The following CCL25 variants were observed in gnomAD, a reference collection of about 807,000 sequenced individuals.
CCL25 encodes C-C motif chemokine ligand 25, also known as C-C motif chemokine 25.
Under a neutral mutation model 19.9 loss-of-function variants are expected in CCL25, and 14 were observed. That is an observed-to-expected ratio of 0.70 (90% CI 0.47 to 1.10). The LOEUF is 1.10. Ranked by LOEUF, CCL25 falls within the 50% of genes least tolerant of loss-of-function variation. The pLI, the probability that CCL25 is intolerant of heterozygous loss-of-function variation, is 0.00. For missense variants in CCL25, 151 were observed against 181.2 expected, an observed-to-expected ratio of 0.83 and a Z score of 0.96; for synonymous variants, 68 against 73.2, an observed-to-expected ratio of 0.93 and a Z score of 0.36.
At chr19:8,059,862 G>A (rs2081305883) in intron 5 of CCL25, among the ~76,000 whole-genome samples, 1 of 151,914 alleles carries the variant, frequency 6.6e-6, no homozygotes, top group Admixed American at 6.6e-5. Flanking sequence ...GGCGGAGGTG[G>A]GTGGATCACG....
intron 5 of CCL25, among the ~76,000 whole-genome samples, chr19:8,059,074 TA>T (rs1473047140): frequency 1.5e-4 from 5 of 34,346 alleles, no homozygotes; most frequent in South Asian, 2.0e-3. Context: ...ATATAATATA[TA>T]ATATATATAA....
At chr19:8,060,312 A>C (rs942646771) in intron 5 of CCL25, among the ~76,000 whole-genome samples, 1 of 152,090 alleles carries the variant, frequency 6.6e-6, no homozygotes, top group Non-Finnish European at 1.5e-5. Context: ...TTGGAACTTC[A>C]GCCTGGGGGA....
chr19:8,058,199 G>A (rs1412887443), intron 5 of CCL25, among the ~76,000 whole-genome samples: 11 of 150,662 alleles, frequency 7.3e-5, no homozygotes, highest in African/African-American at 2.0e-4. Flanking sequence ...AGCAGGGACC[G>A]GGTGGTTGTC....
rs2081273291 is a variant in CCL25, at chr19:8,056,445, G to A, written c.271G>A (p.Asp91Asn). The change falls in exon 4 of 6, where the codon GAT (aspartate) becomes AAT (asparagine). Residue 91 changes from aspartate (D) to asparagine (N), a missense_variant. Physicochemically the swap from Asp to Asn is conservative, Grantham distance 23 (BLOSUM62 1). Coordinates refer to ENST00000315626, the MANE Select transcript of CCL25 (RefSeq NM_005624.4). Reference protein sequence around the residue: ...REVQRAMKLLDARNKVFAKLH... With the variant: ...REVQRAMKLLNARNKVFAKLH... ...GGTGCAGAGAGCCATGAAGCTCCTG[G>A]ATGCTCGAAATAAGGTTTTTGCAAA... The A allele has an allele frequency of 3.7e-6, 6 of 1,614,146 alleles. No homozygotes were observed. The highest frequency in any genetic ancestry group is 5.1e-6 in the Non-Finnish European group (6 of 1,180,028).
chr19:8,054,869 T>C (rs2081258016), intron 2 of CCL25, among the ~76,000 whole-genome samples: 1 of 151,874 alleles, frequency 6.6e-6, no homozygotes, highest in Non-Finnish European at 1.5e-5. Context: ...TTTTGTTTCA[T>C]TGAGACAGAG....
At position 8,057,789 on chromosome 19, in the gene CCL25, C is replaced by A; in HGVS notation, c.326-12C>A. On this transcript the variant is annotated splice_polypyrimidine_tract_variant and intron_variant, in intron 4 of 5. Transcript: ENST00000315626. ...GCAGAGCTCTTGCTTATTTCTCTCT[C>A]CATTTCTCCAGCAGGCCCTCATGCT... 6.2e-7 allele frequency: 1 copy of A among 1,609,566 alleles called. No homozygotes were observed. The highest frequency in any genetic ancestry group is 1.1e-5 in the South Asian group (1 of 90,584).
intron 5 of CCL25, among the ~76,000 whole-genome samples, chr19:8,060,841 T>G (rs986510024): frequency 2.6e-5 from 4 of 151,474 alleles, no homozygotes; most frequent in African/African-American, 9.7e-5. Flanking sequence ...CCACCACGCC[T>G]GGCTAATTTT....
chr19:8,053,409 G>A (rs1359352648), intron 2 of CCL25, among the ~76,000 whole-genome samples: 1 of 152,108 alleles, frequency 6.6e-6, no homozygotes, highest in Non-Finnish European at 1.5e-5. Context: ...GCCAGTTACT[G>A]CCAGGGATGT....
chr19:8,061,262 T>C (rs2081316184), intron 5 of CCL25, among the ~76,000 whole-genome samples: 1 of 152,024 alleles, frequency 6.6e-6, no homozygotes, highest in Non-Finnish European at 1.5e-5. Context: ...GTGCTGGGAT[T>C]ACAGGCGTGA....
intron 4 of CCL25, among the ~76,000 whole-genome samples, chr19:8,057,320 C>G (rs896435091): frequency 2.0e-5 from 3 of 148,132 alleles, no homozygotes; most frequent in Non-Finnish European, 4.5e-5. Flanking sequence ...ATGCCTGGCT[C>G]CAGCTCATTA....
In CCL25 at chr19:8,054,659, C is replaced by A. The variant is rs150611206; in HGVS notation, c.74-1493C>A. Reference sequence around the variant, plus strand: ...ATCCCCCCAGAACTTTCTGGCATCACCTCCTCCTCCTCTGGGCACCCCCCA... The same window carrying A: ...ATCCCCCCAGAACTTTCTGGCATCAACTCCTCCTCCTCTGGGCACCCCCCA... On this transcript the variant is annotated intron_variant, in intron 2 of 5. Transcript: ENST00000315626. Among the ~76,000 whole-genome samples the A allele has an allele frequency of 7.5e-3, 1,136 of 151,988 alleles. 10 individuals are homozygous for A. The highest frequency in any genetic ancestry group is 0.014 in the Middle Eastern group (4 of 294).
rs776069708 is a variant in CCL25, at chr19:8,056,188, C to T, written c.110C>T (p.Pro37Leu). The T allele has an allele frequency of 6.4e-7, 1 of 1,560,974 alleles. No homozygotes were observed. The highest frequency in any genetic ancestry group is 8.7e-7 in the Non-Finnish European group (1 of 1,154,506). Residue 37 changes from proline (P) to leucine (L), a missense_variant, in exon 3 of 6, where the codon CCC (proline) becomes CTC (leucine). Coordinates refer to ENST00000315626, the MANE Select transcript of CCL25 (RefSeq NM_005624.4). Reference sequence around the variant, plus strand: ...GACTGCTGCCTGGCCTACCACTACCCCATTGGGTGGGCTGTGCTCCGGCGC... The same window carrying T: ...GACTGCTGCCTGGCCTACCACTACCTCATTGGGTGGGCTGTGCTCCGGCGC... ...FEDCCLAYHY[P>L]IGWAVLRRAW...
intron 5 of CCL25, among the ~76,000 whole-genome samples, chr19:8,061,909 G>C (rs1418735133): frequency 4.6e-5 from 7 of 151,900 alleles, no homozygotes; most frequent in Non-Finnish European, 1.0e-4. Context: ...AATTAGCCGG[G>C]CATGGTGGTA....
At position 8,056,541 on chromosome 19, in the gene CCL25, C is replaced by A. The variant is rs113146040; in HGVS notation, c.325+42C>A. On this transcript the variant is annotated intron_variant, in intron 4 of 5. Transcript: ENST00000315626. The stretch of plus-strand genomic sequence containing the variant: ...CTGGGCATCTAGGGGGCCTGCCCTC[C>A]CTGCCTGCAAGCCCATGTGTGGTTC... 6,785 of 1,610,394 alleles carry A rather than the reference C, an allele frequency of 4.2e-3. 73 individuals carry two copies. Among genetic ancestry groups the A allele is most frequent in the Middle Eastern group, 0.027 (159 of 5,818 alleles).
intron 2 of CCL25, among the ~76,000 whole-genome samples, chr19:8,053,457 T>C (rs906102423): frequency 6.6e-6 from 1 of 151,716 alleles, no homozygotes; most frequent in Non-Finnish European, 1.5e-5. Flanking sequence ...AGGGGTGGGG[T>C]TGGAGATCAG....
chr19:8,055,071 A>T (rs1018240460), intron 2 of CCL25, among the ~76,000 whole-genome samples: 1 of 151,252 alleles, frequency 6.6e-6, no homozygotes, highest in African/African-American at 2.4e-5. Flanking sequence ...CGGGTGGATC[A>T]CAAGGTCAAG....
intron 5 of CCL25, among the ~76,000 whole-genome samples, 157 bp downstream of exon 5, chr19:8,058,077 G>A (rs2303167): frequency 5.3e-5 from 8 of 151,766 alleles, no homozygotes; most frequent in African/African-American, 1.5e-4. Context: ...GAGGGTCCTC[G>A]GTGGCTGTCC....
chr19:8,057,494 T>C (rs2145289357), intron 4 of CCL25, among the ~76,000 whole-genome samples: 1 of 152,040 alleles, frequency 6.6e-6, no homozygotes, highest in Admixed American at 6.6e-5. Flanking sequence ...CATGCCTGGG[T>C]AATTTTTTAT....
chr19:8,056,305 C>CCCCCCCAGT, intron 3 of CCL25, 36 bp downstream of exon 3: 1 of 1,599,860 alleles, frequency 6.3e-7, no homozygotes, highest in Non-Finnish European at 8.5e-7. Context: ...GGGTGGGGTG[C>CCCCCCCAGT]ACACACAGCC....
Sources: gnomAD v4.1 joint callset for allele counts (sites outside exome capture counted in the v4.1 genomes callset) on GRCh38, gnomAD v4.1.1 for gene constraint, MANE v1.5 for transcripts, NCBI Gene and HGNC (gene_info 2026-07-23, HGNC 2026-07-21) for gene names.